The following TG variants were observed in gnomAD, a reference collection of about 807,000 sequenced individuals.
TG encodes thyroid hormones.
A neutral mutation model predicts 324.7 loss-of-function variants in TG; 270 were observed. That is an observed-to-expected ratio of 0.83 (90% confidence interval 0.75 to 0.92). The LOEUF (loss-of-function observed/expected upper bound fraction) is 0.92, where lower values mean the gene tolerates loss of function less well. Ranked by LOEUF, TG falls within the 40% of genes least tolerant of loss-of-function variation. The pLI is 0.00. For synonymous variants in TG, 1,401 were observed against 1,327.0 expected (o/e 1.06, Z -1.21); for missense variants, 3,591 against 3,456.4 (o/e 1.04, Z -0.98).
chr8:132,881,906 T>C lies in TG; in HGVS notation c.682T>C (p.Phe228Leu). 6.2e-7 allele frequency: 1 copy of C among 1,614,158 alleles called. No homozygotes were observed. ...FVTFSSFQRR[F>L]PEVSGYCHCA... ...GACCTTCAGTTCCTTCCAGAGGAGG[T>C]TCCCTGAGGTATCTGGGTATTGCCA... The change falls in exon 6 of 48, where the codon TTC (phenylalanine) becomes CTC (leucine). Residue 228 changes from phenylalanine (F) to leucine (L), a missense_variant. Physicochemically the swap from Phe to Leu is conservative, Grantham distance 22. Transcript: ENST00000220616.
intron 2 of TG, among the ~76,000 whole-genome samples, chr8:132,869,121 C>T (rs370957052): frequency 6.6e-6 from 1 of 152,292 alleles, no homozygotes; most frequent in Middle Eastern, 3.4e-3. Context: ...TATTCCCATT[C>T]CCAACTCTCT....
At chr8:133,059,990 C>T (rs1211375562) in intron 41 of TG, 9 of 1,080,184 alleles carry the variant, frequency 8.3e-6, no homozygotes, top group Admixed American at 5.4e-5. Context: ...ATGAGCCCTT[C>T]GGTACCCATT....
chr8:132,917,023 ATGCCTCCC>A lies in TG; in HGVS notation c.4379-2351_4379-2344del, dbSNP rs1350059678. ...CAACCCTCCCTCCCTTCCTCCCTCC[ATGCCTCCC>A]TCCCTCCCTCCCTCCTTCCTTCCTT... On this transcript the variant is annotated intron_variant, in intron 20 of 47. Coordinates refer to ENST00000220616, the MANE Select transcript of TG (RefSeq NM_003235.5). 1.8e-3 allele frequency among the ~76,000 whole-genome samples: 123 copies of A among 69,844 alleles called. 5 individuals carry two copies. Among genetic ancestry groups the A allele is most frequent in the South Asian group, 8.0e-3 (11 of 1,378 alleles). 45.8% of individuals were successfully genotyped at this position (69,844 alleles called of 152,430 possible).
chr8:133,059,511 G>T (rs1587933302), intron 41 of TG, among the ~76,000 whole-genome samples: 1 of 152,216 alleles, frequency 6.6e-6, no homozygotes, highest in African/African-American at 2.4e-5. Context: ...CCAAAAAGCT[G>T]ACTTTGGTCA....
chr8:133,010,915 C>T (rs982560577), intron 35 of TG, among the ~76,000 whole-genome samples: 3 of 152,210 alleles, frequency 2.0e-5, no homozygotes, highest in African/African-American at 7.2e-5. Flanking sequence ...TCACTACATA[C>T]AAAGGCCAGT....
intron 34 of TG, among the ~76,000 whole-genome samples, chr8:132,973,936 T>C (rs922601641): frequency 6.6e-6 from 1 of 151,858 alleles, no homozygotes. Context: ...CCATGGACTG[T>C]CTGATCTGGA....
chr8:132,926,388 C>G (rs1052694402), intron 22 of TG, among the ~76,000 whole-genome samples: 5 of 152,172 alleles, frequency 3.3e-5, no homozygotes, highest in Non-Finnish European at 7.3e-5. Context: ...TATGCAATGC[C>G]CCTTAAATCT....
At position 132,871,489 on chromosome 8, in the gene TG, GGT is replaced by G. The variant is rs763483246; in HGVS notation, c.422_423del (p.Val141GlyfsTer24). 2 of 1,614,194 alleles carry G rather than the reference GGT, an allele frequency of 1.2e-6. No individual in the cohort carries two copies. On this transcript the variant is annotated frameshift_variant, in exon 4 of 48. Coordinates refer to ENST00000220616, the MANE Select transcript of TG (RefSeq NM_003235.5). LOFTEE classifies it high-confidence loss of function. ...TGTGATGTGCAGCAGGTCCAGTGCT[GGT>G]GTGTGGACGCAGAGGGGATGGAGGT...
intron 40 of TG, among the ~76,000 whole-genome samples, chr8:133,024,323 TTTCTTTCTTTC>T (rs1835834346): frequency 1.5e-5 from 1 of 67,502 alleles, no homozygotes; most frequent in East Asian, 3.2e-4. Flanking sequence ...TCTTTCTTTC[TTTCTTTCTTTC>T]TTTCTTTCTT....
chr8:133,122,811 GAAAAAA>G (rs1176392755), intron 45 of TG, among the ~76,000 whole-genome samples: 3 of 152,132 alleles, frequency 2.0e-5, no homozygotes, highest in Admixed American at 2.0e-4. Context: ...ACTGATGAGA[GAAAAAA>G]ACTCACCAGC....
intron 40 of TG, among the ~76,000 whole-genome samples, chr8:133,024,997 A>G (rs1835945560): frequency 6.6e-6 from 1 of 152,216 alleles, no homozygotes; most frequent in Non-Finnish European, 1.5e-5. Context: ...TTATTTTACT[A>G]GAGAGACACA....
chr8:133,009,944 G>A (rs1834358674), intron 35 of TG, among the ~76,000 whole-genome samples: 1 of 152,156 alleles, frequency 6.6e-6, no homozygotes, highest in Non-Finnish European at 1.5e-5. Flanking sequence ...TTGTTTTGCT[G>A]CTTTATTTAC....
chr8:132,964,905 G>T, intron 29 of TG: 1 of 702,356 alleles, frequency 1.4e-6, no homozygotes, highest in Non-Finnish European at 2.6e-6. Context: ...TCTCGGAGGA[G>T]GCCAGAAGGA....
chr8:132,990,157 A>ATT (rs1198629326), intron 35 of TG, among the ~76,000 whole-genome samples: 2 of 65,992 alleles, frequency 3.0e-5, no homozygotes, highest in African/African-American at 8.2e-5. Flanking sequence ...GAGCTATACA[A>ATT]TTATATATAT....
At chr8:132,940,601 G>A (rs1824308690) in intron 25 of TG, among the ~76,000 whole-genome samples, 3 of 152,244 alleles carry the variant, frequency 2.0e-5, no homozygotes, top group Admixed American at 2.0e-4. Flanking sequence ...GCTTGATGGG[G>A]AGGGTGTAAG....
Position 132,923,274 on chromosome 8 carries a change from G to A in TG, c.4529-64G>A, listed in dbSNP as rs1821359851. On this transcript the variant is annotated intron_variant, in intron 21 of 47. Transcript: ENST00000220616. Reference sequence around the variant, plus strand: ...CACCTTGTCAATGACCGAGAGCCTGGGAGTAGGAGTCAGGGGATTCCAGAG... The same window carrying A: ...CACCTTGTCAATGACCGAGAGCCTGAGAGTAGGAGTCAGGGGATTCCAGAG... 4 of 1,577,272 alleles carry A rather than the reference G, an allele frequency of 2.5e-6. No homozygotes were observed. The African/African-American group carries it at 4.1e-5, about 16-fold the overall frequency.
At position 133,017,994 on chromosome 8, in the gene TG, C is replaced by T. The variant is rs1835197378; in HGVS notation, c.6779C>T (p.Pro2260Leu). The T allele has an allele frequency of 1.9e-6, 3 of 1,614,066 alleles. No homozygotes were observed. Among genetic ancestry groups the T allele is most frequent in the Non-Finnish European group, 1.7e-6 (2 of 1,180,004 alleles). The change falls in exon 38 of 48, where the codon CCA becomes CTA. Residue 2260 changes from proline (P) to leucine (L), a missense_variant. By Grantham distance (98) the Pro-to-Leu change is moderately conservative (BLOSUM62 -3). Coordinates refer to ENST00000220616, the MANE Select transcript of TG (RefSeq NM_003235.5). ...ACAGGCTCCTGGGATGCCAGCAAGC[C>T]AAGGTATGGGTTGAGTGGAGCACAT... ...NWTGSWDASKPRASCWQPGTR... is the reference protein window; with the variant it reads ...NWTGSWDASKLRASCWQPGTR...
chr8:133,092,397 T>C (rs754441829), intron 41 of TG, among the ~76,000 whole-genome samples: 7 of 152,360 alleles, frequency 4.6e-5, no homozygotes, highest in South Asian at 4.1e-4. Flanking sequence ...CTCCTCGCCA[T>C]TGAATAGCTA....
At chr8:133,091,846 A>T (rs1474151549) in intron 41 of TG, among the ~76,000 whole-genome samples, 1 of 148,808 alleles carries the variant, frequency 6.7e-6, no homozygotes. Context: ...TGTGACCATG[A>T]GTGTCTGTGT....
Sources: allele counts gnomAD v4.1 joint callset (sites outside exome capture counted in the v4.1 genomes callset), GRCh38; gene constraint gnomAD v4.1.1; transcripts MANE v1.5; gene names NCBI Gene and HGNC (gene_info 2026-07-23, HGNC 2026-07-21).